Variants in MLIP observed in about 807,000 individuals in gnomAD.
MLIP encodes the protein muscular LMNA-interacting protein.
Under a neutral mutation model 84.8 loss-of-function variants are expected in MLIP, and 79 were observed. That is an observed-to-expected ratio of 0.93 (90% confidence interval 0.78 to 1.12). The LOEUF is 1.12. Among genes scored for constraint, MLIP ranks in the 50% most tolerant of loss-of-function variants. The probability of loss-of-function intolerance (pLI) is 0.00; values close to 1 mark genes in which losing one functional copy is unlikely to be tolerated. For synonymous variants in MLIP, 504 were observed against 463.0 expected (o/e 1.09, Z -1.14); for missense variants, 1,257 against 1,160.6 (o/e 1.08, Z -1.21).
intron 11 of MLIP, among the ~76,000 whole-genome samples, chr6:54,213,883 A>G (rs969018014): frequency 2.6e-5 from 4 of 152,070 alleles, no homozygotes; most frequent in African/African-American, 9.7e-5. Context: ...TCCACTTGAA[A>G]ATTTTACACC....
At chr6:54,087,379 T>A (rs1466121326) in intron 1 of MLIP, among the ~76,000 whole-genome samples, 1 of 152,130 alleles carries the variant, frequency 6.6e-6, no homozygotes, top group Admixed American at 6.6e-5. Flanking sequence ...TATTAATGAG[T>A]CCATTCTGAT....
chr6:54,167,815 A>G (rs1317140272), intron 8 of MLIP, among the ~76,000 whole-genome samples: 2 of 151,858 alleles, frequency 1.3e-5, no homozygotes, highest in Non-Finnish European at 2.9e-5. Flanking sequence ...ATGATTTGAT[A>G]TCAGGCTGAA....
At chr6:54,074,133 C>CT (rs1766649635) in intron 1 of MLIP, among the ~76,000 whole-genome samples, 2 of 152,128 alleles carry the variant, frequency 1.3e-5, no homozygotes, top group Admixed American at 1.3e-4. Context: ...CGTTCATTAT[C>CT]TTTTTAGTTT....
chr6:54,058,397 G>A (rs1250757048), intron 1 of MLIP, among the ~76,000 whole-genome samples: 4 of 152,200 alleles, frequency 2.6e-5, no homozygotes, highest in Admixed American at 2.6e-4. Context: ...GAACTGAAAT[G>A]CAGGCAGCAT....
At chr6:54,184,406 C>A (rs1177982544) in intron 9 of MLIP, among the ~76,000 whole-genome samples, 1 of 152,124 alleles carries the variant, frequency 6.6e-6, no homozygotes, top group Admixed American at 6.5e-5. Context: ...CCCAGGCCCC[C>A]AAGATGGTGT....
chr6:54,261,346 AT>A (rs1034267896), intron 13 of MLIP, among the ~76,000 whole-genome samples: 2 of 151,928 alleles, frequency 1.3e-5, no homozygotes, highest in African/African-American at 4.8e-5. Context: ...ACTGCATTTT[AT>A]TTTCAAATTG....
intron 1 of MLIP, among the ~76,000 whole-genome samples, chr6:54,095,026 A>G (rs532351096): frequency 6.6e-6 from 1 of 152,282 alleles, no homozygotes; most frequent in South Asian, 2.1e-4. Flanking sequence ...TTTTCTGTAG[A>G]TTGTGTGTCA....
chr6:54,241,121 T>G (rs951422101), intron 12 of MLIP, among the ~76,000 whole-genome samples: 1 of 151,802 alleles, frequency 6.6e-6, no homozygotes, highest in Non-Finnish European at 1.5e-5. Flanking sequence ...AGACGTTTCT[T>G]TTTTTTTGCC....
chr6:54,205,026 A>G (rs1301105965), intron 11 of MLIP, among the ~76,000 whole-genome samples: 1 of 152,168 alleles, frequency 6.6e-6, no homozygotes, highest in Non-Finnish European at 1.5e-5. Flanking sequence ...AAAGGGAAAG[A>G]TAAGATAGAA....
At chr6:54,093,607 C>T (rs62397374) in intron 1 of MLIP, among the ~76,000 whole-genome samples, 13,060 of 152,130 alleles carry the variant, frequency 0.086, 610 homozygotes, top group Middle Eastern at 0.12. Flanking sequence ...AAATTCAAGT[C>T]ATTTAGCATT....
At chr6:54,252,230 CAT>C (rs570725359) in intron 12 of MLIP, among the ~76,000 whole-genome samples, 37 of 96,486 alleles carry the variant, frequency 3.8e-4, no homozygotes, top group Admixed American at 3.0e-3. Flanking sequence ...TATATTATAA[CAT>C]ATAATATATA....
chr6:54,192,195 T>C (rs1030102615), intron 10 of MLIP, among the ~76,000 whole-genome samples: 2 of 144,432 alleles, frequency 1.4e-5, no homozygotes, highest in Non-Finnish European at 3.0e-5. Context: ...CTCTAAGGAG[T>C]TCAAGGCATT....
At chr6:54,173,393 TAGAA>T (rs1397232798) in intron 9 of MLIP, among the ~76,000 whole-genome samples, 1 of 151,860 alleles carries the variant, frequency 6.6e-6, no homozygotes, top group African/African-American at 2.4e-5. Context: ...AGCCTAAACT[TAGAA>T]GGAATAATTT....
chr6:54,104,846 G>A (rs1413538641), intron 1 of MLIP, among the ~76,000 whole-genome samples: 2 of 152,120 alleles, frequency 1.3e-5, no homozygotes, highest in Non-Finnish European at 2.9e-5. Flanking sequence ...ATTATGAAAG[G>A]AAAGGGTTCT....
chr6:54,035,158 A>G (rs1315377465), intron 1 of MLIP, among the ~76,000 whole-genome samples: 1 of 152,162 alleles, frequency 6.6e-6, no homozygotes, highest in Non-Finnish European at 1.5e-5. Flanking sequence ...GGTTTACACA[A>G]TGACAAAATT....
chr6:54,036,529 C>T (rs1203278424), intron 1 of MLIP, among the ~76,000 whole-genome samples: 1 of 151,912 alleles, frequency 6.6e-6, no homozygotes, highest in Non-Finnish European at 1.5e-5. Context: ...TCTGGAATGG[C>T]TGTTCCCAAA....
chr6:54,063,127 A>G (rs1031761867), intron 1 of MLIP: 4 of 151,816 alleles, frequency 2.6e-5, no homozygotes, highest in Non-Finnish European at 4.4e-5. Flanking sequence ...AACTGCTTGA[A>G]CCTGGAAGGT....
chr6:54,125,549 C>G (rs138044682), intron 3 of MLIP, among the ~76,000 whole-genome samples: 110 of 152,220 alleles, frequency 7.2e-4, no homozygotes, highest in Middle Eastern at 3.4e-3. Context: ...AGAAAGGATG[C>G]GGACAAGGAG....
intron 1 of MLIP, among the ~76,000 whole-genome samples, chr6:54,083,959 T>C (rs1344817295): frequency 6.6e-6 from 1 of 152,176 alleles, no homozygotes; most frequent in African/African-American, 2.4e-5. Flanking sequence ...AAATTTGAGA[T>C]TATATATTTT....
Sources: gnomAD v4.1 joint callset for allele counts (sites outside exome capture counted in the v4.1 genomes callset) on GRCh38, gnomAD v4.1.1 for gene constraint, MANE v1.5 for transcripts, NCBI Gene and HGNC (gene_info 2026-07-23, HGNC 2026-07-21) for gene names.